Variants in CD274 observed in about 807,000 individuals in gnomAD.
The protein encoded by CD274 is programmed cell death 1 ligand 1.
In CD274, 8 loss-of-function variants were observed where a neutral mutation model predicts 30.1. That is an observed-to-expected ratio of 0.27 (90% CI 0.16 to 0.48). CD274 has a LOEUF of 0.48. CD274 is among the 20% of genes least tolerant of loss of function. The probability of loss-of-function intolerance (pLI) is 0.99; values close to 1 mark genes in which losing one functional copy is unlikely to be tolerated. For missense variants in CD274, 353 were observed against 346.6 expected (o/e 1.02, Z -0.15); for synonymous variants, 152 against 124.6 (o/e 1.22, Z -1.46).
intron 1 of CD274, among the ~76,000 whole-genome samples, chr9:5,451,362 A>G (rs1362339105): frequency 3.3e-5 from 5 of 152,238 alleles, no homozygotes; most frequent in African/African-American, 1.2e-4. Context: ...ACTGTTGGGT[A>G]TAAAGGTTAT....
intron 2 of CD274, among the ~76,000 whole-genome samples, chr9:5,456,406 C>A (rs1350798415): frequency 6.6e-6 from 1 of 152,092 alleles, no homozygotes; most frequent in African/African-American, 2.4e-5. Flanking sequence ...TAATCTATTA[C>A]CCATTTCCCA....
intron 5 of CD274, among the ~76,000 whole-genome samples, chr9:5,466,467 G>A (rs1280666217): frequency 6.6e-6 from 1 of 152,120 alleles, no homozygotes; most frequent in Non-Finnish European, 1.5e-5. Flanking sequence ...TGGAAAAAAA[G>A]ATTAGTTGGC....
chr9:5,450,810 A>G (rs12342381), intron 1 of CD274, among the ~76,000 whole-genome samples: 15,108 of 152,266 alleles, frequency 0.099, 1,502 homozygotes, highest in African/African-American at 0.26. Flanking sequence ...GGCGCGATTC[A>G]GTTTTGCTCT....
At chr9:5,455,210 G>T (rs1819279237) in intron 1 of CD274, among the ~76,000 whole-genome samples, 1 of 152,128 alleles carries the variant, frequency 6.6e-6, no homozygotes, top group South Asian at 2.1e-4. Context: ...TAAATGCACA[G>T]ATTGGCTGAA....
At chr9:5,454,889 G>A (rs969147247) in intron 1 of CD274, among the ~76,000 whole-genome samples, 1 of 152,052 alleles carries the variant, frequency 6.6e-6, no homozygotes, top group African/African-American at 2.4e-5. Context: ...TTTTTATTGT[G>A]AGATTGAACA....
rs139709512 is a variant in CD274, at chr9:5,456,126, G to T, written c.13G>T (p.Ala5Ser). 3 of 1,607,464 alleles carry T rather than the reference G, an allele frequency of 1.9e-6. No homozygotes were observed. The Admixed American group carries it at 5.0e-5, about 27-fold the overall frequency. The change falls in exon 2 of 7, where the codon GCT (alanine) becomes TCT (serine). Residue 5 changes from alanine to serine, a missense_variant. Ala to Ser is a moderately conservative substitution (Grantham distance 99, BLOSUM62 1). Transcript: ENST00000381577. Reference sequence around the variant, plus strand: ...GCATTCCAGAAAGATGAGGATATTTGCTGTCTTTATATTCATGACCTACTG... The same window carrying T: ...GCATTCCAGAAAGATGAGGATATTTTCTGTCTTTATATTCATGACCTACTG... MRIF[A>S]VFIFMTYWHL...
intron 3 of CD274, among the ~76,000 whole-genome samples, chr9:5,458,933 T>C (rs765791856): frequency 4.6e-5 from 7 of 152,236 alleles, no homozygotes. Context: ...AGATCTGGGA[T>C]GGAAAGGAAG....
intron 1 of CD274, among the ~76,000 whole-genome samples, chr9:5,451,816 C>T (rs1819208917): frequency 6.6e-6 from 1 of 152,074 alleles, no homozygotes; most frequent in South Asian, 2.1e-4. Flanking sequence ...AATAAATCAA[C>T]TGTCTTAATC....
At chr9:5,452,203 A>G (rs532312783) in intron 1 of CD274, among the ~76,000 whole-genome samples, 15 of 151,656 alleles carry the variant, frequency 9.9e-5, no homozygotes, top group African/African-American at 3.6e-4. Context: ...TTTTAGTAGA[A>G]ATGGGGTTTC....
intron 3 of CD274, among the ~76,000 whole-genome samples, chr9:5,462,005 G>A (rs1371905530): frequency 6.6e-6 from 1 of 152,158 alleles, no homozygotes; most frequent in African/African-American, 2.4e-5. Context: ...AACGTCCTTA[G>A]TTATGACGAT....
chr9:5,468,655 T>C lies in CD274; in HGVS notation c.*793T>C. ...CATTTAAATATCAGCTTTACAATTA[T>C]GTGGTAGCCTACACACATAATCTCA... On this transcript the variant is annotated 3_prime_UTR_variant, in exon 7 of 7. Coordinates refer to ENST00000381577, the MANE Select transcript of CD274 (RefSeq NM_014143.4). The C allele has an allele frequency of 4.3e-6, 1 of 233,052 alleles. No homozygotes were observed. The highest frequency in any genetic ancestry group is 6.0e-5 in the East Asian group (1 of 16,560). The allele number at this position is 233,052 out of a possible 1,614,324, so 14.4% of individuals were successfully genotyped here.
chr9:5,467,317 A>G (rs1417430560), intron 6 of CD274, among the ~76,000 whole-genome samples: 3 of 152,204 alleles, frequency 2.0e-5, no homozygotes, highest in Non-Finnish European at 2.9e-5. Flanking sequence ...GCTGATCACA[A>G]AAATCAAGCT....
chr9:5,466,819 GAAGCA>G lies in CD274; in HGVS notation c.844_848del (p.Gln282Ter), dbSNP rs751586775. The stretch of plus-strand genomic sequence containing the variant: ...GTGGCATCCAAGATACAAACTCAAA[GAAGCA>G]AAGTGGTAAGAATATCAGAAGGAAT... On this transcript the variant is annotated frameshift_variant, in exon 6 of 7. Coordinates refer to ENST00000381577, the MANE Select transcript of CD274 (RefSeq NM_014143.4). LOFTEE classifies it high-confidence loss of function. The G allele has an allele frequency of 6.2e-7, 1 of 1,608,850 alleles. No individual in the cohort carries two copies. The highest frequency in any genetic ancestry group is 8.5e-7 in the Non-Finnish European group (1 of 1,177,106).
chr9:5,465,086 CAAAA>C (rs1263982025), intron 4 of CD274, among the ~76,000 whole-genome samples: 2 of 84,326 alleles, frequency 2.4e-5, no homozygotes. Context: ...GACTCTGCCT[CAAAA>C]AAAAAAAAAA....
At position 5,470,544 on chromosome 9, in the gene CD274, T is replaced by C. The variant is rs2131239917; in HGVS notation, c.*2682T>C. The C allele has an allele frequency of 4.9e-6, 1 of 202,452 alleles. No homozygotes were observed. Among genetic ancestry groups the C allele is most frequent in the East Asian group, 7.7e-5 (1 of 13,044 alleles). 12.5% of individuals were successfully genotyped at this position (202,452 alleles called of 1,614,324 possible). Reference sequence around the variant, plus strand: ...TTTTGTGTTTAATAAAATGTTCAGTTTAACATCCCAGTGGAGAAAGTTACT... The same window carrying C: ...TTTTGTGTTTAATAAAATGTTCAGTCTAACATCCCAGTGGAGAAAGTTACT... On this transcript the variant is annotated 3_prime_UTR_variant, in exon 7 of 7. Transcript: ENST00000381577.
chr9:5,461,843 A>C (rs773983473), intron 3 of CD274, among the ~76,000 whole-genome samples: 1 of 152,162 alleles, frequency 6.6e-6, no homozygotes, highest in Non-Finnish European at 1.5e-5. Context: ...ATAATTACTT[A>C]AATGATTTAT....
chr9:5,457,417 A>G lies in CD274; in HGVS notation c.391A>G (p.Asn131Asp), dbSNP rs771819234. The part of the protein sequence containing the change: ...ADYKRITVKV[N>D]APYNKINQRI... ...CTACAAGCGAATTACTGTGAAAGTC[A>G]ATGGTAAGAATTATTATAGATGAGA... is the stretch of plus-strand genomic sequence containing the variant. Residue 131 changes from asparagine (N) to aspartate (D), a missense_variant, in exon 3 of 7, where the codon AAT (asparagine) becomes GAT (aspartate). Physicochemically the swap from Asn to Asp is conservative, Grantham distance 23. Transcript: ENST00000381577. 38 of 1,611,274 alleles carry G rather than the reference A, an allele frequency of 2.4e-5. No homozygotes were observed. Among genetic ancestry groups the G allele is most frequent in the Non-Finnish European group, 3.1e-5 (37 of 1,177,576 alleles).
Position 5,462,876 on chromosome 9 carries a change from C to G in CD274, c.437C>G (p.Pro146Arg), listed in dbSNP as rs17718883. ...AACCAAAGAATTTTGGTTGTGGATC[C>G]AGTCACCTCTGAACATGAACTGACA... ...KINQRILVVDPVTSEHELTCQ... is the reference protein window; with the variant it reads ...KINQRILVVDRVTSEHELTCQ... The change falls in exon 4 of 7, where the codon CCA becomes CGA. Residue 146 changes from proline (P) to arginine (R), a missense_variant. Coordinates refer to ENST00000381577, the MANE Select transcript of CD274 (RefSeq NM_014143.4). 6,557 of 1,613,860 alleles carry G rather than the reference C, an allele frequency of 4.1e-3. 20 individuals carry two copies. Among genetic ancestry groups the G allele is most frequent in the Admixed American group, 5.0e-3 (302 of 59,990 alleles).
intron 2 of CD274, among the ~76,000 whole-genome samples, chr9:5,456,485 G>C (rs11998953): frequency 6.6e-6 from 1 of 152,118 alleles, no homozygotes; most frequent in East Asian, 1.9e-4. Flanking sequence ...CTTTCAACAA[G>C]GCCAAGATCC....
Sources: gnomAD v4.1 joint callset for allele counts (sites outside exome capture counted in the v4.1 genomes callset) on GRCh38, gnomAD v4.1.1 for gene constraint, MANE v1.5 for transcripts, NCBI Gene and HGNC (gene_info 2026-07-23, HGNC 2026-07-21) for gene names.